PROSER3: variants seen among roughly 807,000 people sequenced by gnomAD.
PROSER3 encodes the protein proline and serine-rich protein 3.
A neutral mutation model predicts 50.2 loss-of-function variants in PROSER3; 33 were observed. The ratio of observed to expected loss-of-function variants is 0.66; its 90% CI spans 0.50 to 0.88. The LOEUF is 0.88. Ranked by LOEUF, PROSER3 falls within the 40% of genes least tolerant of loss-of-function variation. PROSER3 has a pLI of 0.00. For missense variants in PROSER3, 623 were observed against 612.7 expected (o/e 1.02, Z -0.18); for synonymous variants, 266 against 259.3 (o/e 1.03, Z -0.25).
intron 3 of PROSER3, among the ~76,000 whole-genome samples, chr19:35,760,943 A>G (rs1970937003): frequency 6.6e-6 from 1 of 152,210 alleles, no homozygotes; most frequent in Non-Finnish European, 1.5e-5. Flanking sequence ...CAAATTAATT[A>G]TGGCTGAAAC....
chr19:35,759,952 C>T, exon 3 of PROSER3: 2 of 1,606,012 alleles, frequency 1.2e-6, no homozygotes, highest in Admixed American at 1.7e-5. Context: ...GCCTCCCCAG[C>T]ACCCACCCTG....
Position 35,768,433 on chromosome 19 carries a change from TGGACCAGGCTGAAGACCTG to T in PROSER3, c.1335_1353del (p.Gln446LeufsTer17), listed in dbSNP as rs1255934653. 2.5e-6 allele frequency: 4 copies of T among 1,597,816 alleles called. No individual in the cohort carries two copies. Among genetic ancestry groups the T allele is most frequent in the Non-Finnish European group, 3.4e-6 (4 of 1,179,532 alleles). Reference sequence around the variant, plus strand: ...GCGGATGCCCGATTATCGTTCCTGTTGGACCAGGCTGAAGACCTGGGATCTTGGTCCCCTCCAGCCGGGT... The same window carrying T: ...GCGGATGCCCGATTATCGTTCCTGTTGGATCTTGGTCCCCTCCAGCCGGGT... On this transcript the variant is annotated frameshift_variant, in exon 11 of 11. Transcript: ENST00000396908. LOFTEE classifies it low-confidence loss of function (END_TRUNC).
chr19:35,759,091 C>T, intron 1 of PROSER3: 1 of 354,620 alleles, frequency 2.8e-6, no homozygotes, highest in South Asian at 4.6e-5. Context: ...GGGAACCGCG[C>T]GCCTGTAACG....
chr19:35,762,042 C>A, exon 4 of PROSER3: 1 of 1,609,658 alleles, frequency 6.2e-7, no homozygotes, highest in Non-Finnish European at 8.5e-7. Flanking sequence ...TTCCGCCAGG[C>A]TCAGCCCACC....
chr19:35,766,979 TG>T (rs1199463056), intron 8 of PROSER3, 24 bp downstream of exon 8: 1 of 1,533,714 alleles, frequency 6.5e-7, no homozygotes. Context: ...GGGAGGAGCC[TG>T]GGGGGAGCTG....
At chr19:35,759,311 T>C in intron 1 of PROSER3, 63 bp from the exon 2 acceptor site, 2 of 1,328,414 alleles carry the variant, frequency 1.5e-6, no homozygotes, top group Non-Finnish European at 2.1e-6. Flanking sequence ...CCTCCTCTAA[T>C]GTCCCCCTCC....
rs373714875 is a variant in PROSER3, at chr19:35,765,004, C to T, written c.627-30C>T. 5.0e-6 allele frequency: 8 copies of T among 1,612,564 alleles called. No homozygotes were observed. In the African/African-American group the frequency reaches 5.3e-5, roughly 11 times the overall value. Reference sequence around the variant, plus strand: ...CACGTGGCCCAGGTCTCGAGACCTCCATTGCCTCACTCCTGCCTTCTCCCT... The same window carrying T: ...CACGTGGCCCAGGTCTCGAGACCTCTATTGCCTCACTCCTGCCTTCTCCCT... On this transcript the variant is annotated intron_variant, in intron 6 of 10. Transcript: ENST00000396908.
chr19:35,762,431 A>G, intron 5 of PROSER3, 75 bp downstream of exon 5: 1 of 1,358,216 alleles, frequency 7.4e-7, no homozygotes, highest in Non-Finnish European at 1.0e-6. Context: ...TTAGAAGATC[A>G]GGAGCAGTGG....
At chr19:35,763,967 T>C (rs1971053341) in intron 5 of PROSER3, among the ~76,000 whole-genome samples, 1 of 151,930 alleles carries the variant, frequency 6.6e-6, no homozygotes, top group Non-Finnish European at 1.5e-5. Flanking sequence ...TTTGGTTTTT[T>C]TGTAGAGATG....
rs557322715 is a variant in PROSER3, at chr19:35,758,303, G to GCTGGATACGGT, written c.11+83_11+93dup. On this transcript the variant is annotated intron_variant, in intron 1 of 10. Coordinates refer to ENST00000396908, the Ensembl canonical transcript of PROSER3. Reference sequence around the variant, plus strand: ...GCGAGAGCAGCACAGCCTAGGACGGGCTGGATACGGTCTGGAGTCGCTAGG... The same window carrying GCTGGATACGGT: ...GCGAGAGCAGCACAGCCTAGGACGGGCTGGATACGGTCTGGATACGGTCTGGAGTCGCTAGG... 2,316 of 1,499,116 alleles carry GCTGGATACGGT rather than the reference G, an allele frequency of 1.5e-3. 4 individuals carry two copies. Among genetic ancestry groups the GCTGGATACGGT allele is most frequent in the Non-Finnish European group, 1.9e-3 (2,128 of 1,119,246 alleles). The allele number at this position is 1,499,116 out of a possible 1,614,324, so 92.9% of individuals were successfully genotyped here. A position where few individuals can be genotyped will look rare whatever the true frequency, so the allele number is the denominator to read the frequency against.
chr19:35,762,226 C>T (rs1970976368), intron 4 of PROSER3, 27 bp from the exon 5 acceptor site: 4 of 1,603,204 alleles, frequency 2.5e-6, no homozygotes, highest in East Asian at 2.2e-5. Context: ...TCCTCCTGGC[C>T]CTCATACCTC....
intron 5 of PROSER3, among the ~76,000 whole-genome samples, chr19:35,764,392 C>T (rs926980991): frequency 2.6e-5 from 4 of 152,038 alleles, no homozygotes; most frequent in South Asian, 2.1e-4. Flanking sequence ...CGCGGTGGCT[C>T]ACGCCTGTAA....
At position 35,761,638 on chromosome 19, in the gene PROSER3, G is replaced by A. The variant is rs1171788569; in HGVS notation, c.312-381G>A. Among the ~76,000 whole-genome samples, 5 of 152,060 alleles carry A rather than the reference G, an allele frequency of 3.3e-5. No individual in the cohort carries two copies. The East Asian group carries it at 7.7e-4, about 23-fold the overall frequency. The stretch of plus-strand genomic sequence containing the variant: ...ATCACGCCATTGCACTCTAACCTGG[G>A]CAACAAGAGCAAAACTCCGTCTCAA... On this transcript the variant is annotated intron_variant, in intron 3 of 10. Coordinates refer to ENST00000396908, the Ensembl canonical transcript of PROSER3.
downstream of PROSER3, chr19:35,770,937 G>A (rs1335790677): frequency 6.6e-6 from 1 of 151,852 alleles, no homozygotes; most frequent in Non-Finnish European, 1.5e-5. Context: ...GGTTACACAG[G>A]TGTATGCACT....
chr19:35,762,399 C>T, intron 5 of PROSER3, 43 bp downstream of exon 5: 1 of 1,487,242 alleles, frequency 6.7e-7, no homozygotes, highest in South Asian at 1.2e-5. Context: ...CCTGAACTGA[C>T]AACACCAGCC....
chr19:35,767,679 TG>T, intron 8 of PROSER3: 1 of 1,249,116 alleles, frequency 8.0e-7, no homozygotes, highest in Non-Finnish European at 1.1e-6. Flanking sequence ...CCTGACAGCC[TG>T]GAGGACACGC....
chr19:35,763,316 C>T (rs1971020033), intron 5 of PROSER3, among the ~76,000 whole-genome samples: 1 of 151,796 alleles, frequency 6.6e-6, no homozygotes, highest in African/African-American at 2.4e-5. Context: ...ATTCTTCTGC[C>T]TCAGCCTCCT....
exon 3 of PROSER3, chr19:35,759,982 T>C: frequency 6.3e-7 from 1 of 1,591,346 alleles, no homozygotes; most frequent in Non-Finnish European, 8.6e-7. Flanking sequence ...GGGGACTCCG[T>C]GGTGGCCAAG....
chr19:35,768,012 C>T, exon 9 of PROSER3: 2 of 1,588,166 alleles, frequency 1.3e-6, no homozygotes, highest in Non-Finnish European at 1.7e-6. Context: ...GCTGACCACG[C>T]CCCCTCGGAG....
Sources: gnomAD v4.1 joint callset for allele counts (sites outside exome capture counted in the v4.1 genomes callset) on GRCh38, gnomAD v4.1.1 for gene constraint, MANE v1.5 for transcripts, NCBI Gene and HGNC (gene_info 2026-07-23, HGNC 2026-07-21) for gene names.